The following CDON variants were observed in gnomAD, a reference collection of about 807,000 sequenced individuals.
CDON encodes the protein cell adhesion molecule-related/down-regulated by oncogenes.
In CDON, 73 loss-of-function variants were observed where a neutral mutation model predicts 120.9. The ratio of observed to expected loss-of-function variants is 0.60; its 90% CI spans 0.50 to 0.73. CDON has a LOEUF of 0.73. CDON is among the 30% of genes least tolerant of loss of function. The probability of loss-of-function intolerance (pLI) is 0.00; values close to 1 mark genes in which losing one functional copy is unlikely to be tolerated. For missense variants in CDON, 1,470 were observed against 1,587.3 expected (o/e 0.93, Z 1.26); for synonymous variants, 566 against 573.5 (o/e 0.99, Z 0.19).
intron 1 of CDON, among the ~76,000 whole-genome samples, chr11:126,062,087 C>A (rs907223424): frequency 6.6e-6 from 1 of 152,238 alleles, no homozygotes; most frequent in African/African-American, 2.4e-5. Context: ...GAAAAATACA[C>A]TCCCTGGGGC....
Position 126,005,811 on chromosome 11 carries a change from G to A in CDON, c.1799C>T (p.Ala600Val). Residue 600 changes from alanine to valine, a missense_variant, in exon 9 of 20, where the codon GCA (alanine) becomes GTA (valine). Physicochemically the swap from Ala to Val is moderately conservative, Grantham distance 64. Transcript: ENST00000531738. ...GATGGGCAGCCCACCATCCTTGCCT[G>A]CCCTCCACACCAGGTTGTACGTGTC... ...TPDTYNLVWR[A>V]GKDGGLPINA... 2 of 1,614,086 alleles carry A rather than the reference G, an allele frequency of 1.2e-6. No individual in the cohort carries two copies. The highest frequency in any genetic ancestry group is 1.7e-6 in the Non-Finnish European group (2 of 1,180,004).
At chr11:126,000,174 T>C (rs1289390416) in intron 11 of CDON, among the ~76,000 whole-genome samples, 1 of 152,044 alleles carries the variant, frequency 6.6e-6, no homozygotes, top group African/African-American at 2.4e-5. Context: ...ATATTGTTAA[T>C]GGGTTTAGGT....
rs377050469 is a variant in CDON at position 126,017,226 on chromosome 11, G to C, written c.790C>G (p.Pro264Ala). The change falls in exon 6 of 20, where the codon CCA (proline) becomes GCA (alanine). Residue 264 changes from proline (P) to alanine (A), a missense_variant. By Grantham distance (27) the Pro-to-Ala change is conservative (BLOSUM62 -1). Transcript: ENST00000531738. ...TACAACCTTCTCCAGTTGCTTCCTGGTGCAATGTCCTGCCCGTCCTTTAGC... is the reference window on the plus strand; with the variant it reads ...TACAACCTTCTCCAGTTGCTTCCTGCTGCAATGTCCTGCCCGTCCTTTAGC... ...YWLKDGQDIA[P>A]GSNWRRLYSH... is the part of the protein sequence containing the mutation. The C allele has an allele frequency of 1.1e-5, 17 of 1,614,064 alleles. No individual in the cohort carries two copies. Among genetic ancestry groups the C allele is most frequent in the Non-Finnish European group, 1.4e-5 (16 of 1,180,012 alleles).
chr11:125,993,829 C>A (rs1946701144), intron 14 of CDON, among the ~76,000 whole-genome samples: 1 of 152,238 alleles, frequency 6.6e-6, no homozygotes, highest in Admixed American at 6.5e-5. Flanking sequence ...ACACTCTTCA[C>A]CATTTTAGCT....
At chr11:126,017,406 A>C in intron 5 of CDON, 31 bp from the exon 6 acceptor site, 1 of 1,606,960 alleles carries the variant, frequency 6.2e-7, no homozygotes, top group Non-Finnish European at 8.5e-7. Flanking sequence ...AGAGATTATT[A>C]GTAAGTCTTC....
chr11:126,010,538 A>T lies in CDON; in HGVS notation c.1355T>A (p.Val452Asp). The change falls in exon 8 of 20, where the codon GTC (valine) becomes GAC (aspartate). Residue 452 changes from valine (V) to aspartate (D), a missense_variant. Coordinates refer to ENST00000531738, the MANE Select transcript of CDON (RefSeq NM_001378964.1). ...HGLITSHPSQ[V>D]LRSKSRKSQL... ...TGATTTTCGGGATTTCGATCTCAGG[A>T]CTTGAGATGGATGGCTGGTTATCAA... 6.2e-7 allele frequency: 1 copy of T among 1,614,064 alleles called. No individual in the cohort carries two copies. The highest frequency in any genetic ancestry group is 8.5e-7 in the Non-Finnish European group (1 of 1,179,970).
At chr11:126,003,879 C>T in intron 10 of CDON, 23 bp downstream of exon 10, 2 of 1,611,014 alleles carry the variant, frequency 1.2e-6, no homozygotes, top group Non-Finnish European at 8.5e-7. Flanking sequence ...CAGCTCATTC[C>T]TCCAAAGGAA....
chr11:125,965,922 G>A (rs900747659), intron 18 of CDON, among the ~76,000 whole-genome samples: 2 of 152,272 alleles, frequency 1.3e-5, no homozygotes, highest in Non-Finnish European at 2.9e-5. Flanking sequence ...ATCACCTGAC[G>A]TCGGGAGTTC....
rs1470451638 is a variant in CDON at position 125,958,359 on chromosome 11, T to C, written c.*2583A>G. The C allele has an allele frequency of 2.0e-5, 3 of 152,084 alleles. No individual in the cohort carries two copies. Among genetic ancestry groups the C allele is most frequent in the Non-Finnish European group, 2.9e-5 (2 of 68,032 alleles). 9.4% of individuals were successfully genotyped at this position (152,084 alleles called of 1,614,324 possible). A position where few individuals can be genotyped will look rare whatever the true frequency, so the allele number is the denominator to read the frequency against. On this transcript the variant is annotated 3_prime_UTR_variant, in exon 20 of 20. Coordinates refer to ENST00000531738, the MANE Select transcript of CDON (RefSeq NM_001378964.1). The stretch of plus-strand genomic sequence containing the variant: ...TTGTGGGGGTTAAATGAGTTAACAG[T>C]AACAAGCACCGAGCACAGTGCCTGG...
At chr11:126,010,955 T>C (rs896673112) in intron 7 of CDON, 14 of 519,106 alleles carry the variant, frequency 2.7e-5, no homozygotes, top group Admixed American at 4.5e-5. Context: ...AGAAATCTTT[T>C]GAGAGTTTTC....
At chr11:126,039,014 G>A (rs1948180985) in intron 1 of CDON, among the ~76,000 whole-genome samples, 1 of 152,144 alleles carries the variant, frequency 6.6e-6, no homozygotes, top group Non-Finnish European at 1.5e-5. Flanking sequence ...TTAGGTACTC[G>A]CCTCCTAACC....
intron 7 of CDON, among the ~76,000 whole-genome samples, chr11:126,011,086 A>G (rs1947289597): frequency 6.6e-6 from 1 of 151,986 alleles, no homozygotes; most frequent in South Asian, 2.1e-4. Context: ...CTTCAAGAAA[A>G]TGGTCAATTT....
intron 1 of CDON, among the ~76,000 whole-genome samples, chr11:126,044,282 G>C (rs574903142): frequency 1.3e-5 from 2 of 152,086 alleles, no homozygotes; most frequent in African/African-American, 4.8e-5. Flanking sequence ...ATTATATATC[G>C]GGGAGTACTT....
chr11:126,023,250 A>T, intron 2 of CDON, 151 bp downstream of exon 2: 4 of 763,064 alleles, frequency 5.2e-6, no homozygotes, highest in Middle Eastern at 2.3e-4. Context: ...TGCTTAATTT[A>T]TCGAGTTTTT....
In CDON at chr11:125,981,120, G is replaced by A. The variant is rs1946282493; in HGVS notation, c.3205C>T (p.Leu1069Phe). ...GIVNGSLNGG[L>F]YSGHSNSLTR... ...AGAGAGTTGCTGTGCCCGGAGTAAAGCCCTCCATTTAGGCTCCCATTCACA... is the reference window on the plus strand; with the variant it reads ...AGAGAGTTGCTGTGCCCGGAGTAAAACCCTCCATTTAGGCTCCCATTCACA... Residue 1069 changes from leucine to phenylalanine, a missense_variant, in exon 17 of 20, where the codon CTT (leucine) becomes TTT (phenylalanine). Coordinates refer to ENST00000531738, the MANE Select transcript of CDON (RefSeq NM_001378964.1). 3 of 1,614,112 alleles carry A rather than the reference G, an allele frequency of 1.9e-6. No individual in the cohort carries two copies. Among genetic ancestry groups the A allele is most frequent in the East Asian group, 2.2e-5 (1 of 44,880 alleles).
chr11:126,005,776 A>G lies in CDON; in HGVS notation c.1834T>C (p.Phe612Leu), dbSNP rs1372194473. 3 of 1,613,762 alleles carry G rather than the reference A, an allele frequency of 1.9e-6. No individual in the cohort carries two copies. Among genetic ancestry groups the G allele is most frequent in the Admixed American group, 1.7e-5 (1 of 60,028 alleles). The change falls in exon 9 of 20, where the codon TTT (phenylalanine) becomes CTT (leucine). Residue 612 changes from phenylalanine (F) to leucine (L), a missense_variant. Coordinates refer to ENST00000531738, the MANE Select transcript of CDON (RefSeq NM_001378964.1). ...KDGGLPINAY[F>L]VKYRKLDDGV... The stretch of plus-strand genomic sequence containing the variant: ...GACATTACCTTTCGATACTTCACAA[A>G]GTAAGCATTGATGGGCAGCCCACCA...
chr11:125,983,861 G>C lies in CDON; in HGVS notation c.2995+11C>G. 1 of 1,589,670 alleles carries C rather than the reference G, an allele frequency of 6.3e-7. No individual in the cohort carries two copies. Among genetic ancestry groups the C allele is most frequent in the Non-Finnish European group, 8.6e-7 (1 of 1,158,296 alleles). ...TAGAAAAAGAGAAGGAGATATTTAT[G>C]AGTGACTTACTTTGTATGGTATTCT... On this transcript the variant is annotated intron_variant, in intron 16 of 19. Coordinates refer to ENST00000531738, the MANE Select transcript of CDON (RefSeq NM_001378964.1).
chr11:125,990,984 AG>A (rs1300848425), intron 14 of CDON, among the ~76,000 whole-genome samples: 3 of 152,154 alleles, frequency 2.0e-5, no homozygotes, highest in Non-Finnish European at 4.4e-5. Flanking sequence ...TGAAATCCAA[AG>A]GCTTTCCAAA....
chr11:125,998,855 G>A (rs1313619750), intron 11 of CDON, among the ~76,000 whole-genome samples: 1 of 152,200 alleles, frequency 6.6e-6, no homozygotes, highest in African/African-American at 2.4e-5. Context: ...GAGCTGGAAT[G>A]TGGAGGGCCA....
Sources: gnomAD v4.1 joint callset for allele counts (sites outside exome capture counted in the v4.1 genomes callset) on GRCh38, gnomAD v4.1.1 for gene constraint, MANE v1.5 for transcripts, NCBI Gene and HGNC (gene_info 2026-07-23, HGNC 2026-07-21) for gene names.